GLI2: variants seen among roughly 807,000 people sequenced by gnomAD.
GLI2 encodes transcription activator GLI2.
In GLI2, 22 loss-of-function variants were observed where a neutral mutation model predicts 78.9. The ratio of observed to expected loss-of-function variants is 0.28; its 90% confidence interval spans 0.20 to 0.40. The LOEUF (loss-of-function observed/expected upper bound fraction) is 0.40, where lower values mean the gene tolerates loss of function less well. Ranked by LOEUF, GLI2 falls within the 10% of genes least tolerant of loss-of-function variation. The probability of loss-of-function intolerance (pLI) is 1.00; values close to 1 mark genes in which losing one functional copy is unlikely to be tolerated. For missense variants in GLI2, 2,097 were observed against 2,213.2 expected, an observed-to-expected ratio of 0.95 and a Z score of 1.05; for synonymous variants, 974 against 963.7, an observed-to-expected ratio of 1.01 and a Z score of -0.20.
chr2:120,752,841 C>T (rs1392219950), intron 1 of GLI2, among the ~76,000 whole-genome samples: 1 of 152,072 alleles, frequency 6.6e-6, no homozygotes, highest in African/African-American at 2.4e-5. Flanking sequence ...TGGAACTTGC[C>T]TTTTTCACTC....
intron 1 of GLI2, among the ~76,000 whole-genome samples, chr2:120,763,726 C>T (rs1683284537): frequency 6.6e-6 from 1 of 152,238 alleles, no homozygotes; most frequent in Non-Finnish European, 1.5e-5. Flanking sequence ...CCCTCTTGCC[C>T]CACGCCCGGA....
rs764718032 is a variant in GLI2, at chr2:120,978,582, C to T, written c.1466C>T (p.Thr489Met). 42 of 1,613,268 alleles carry T rather than the reference C, an allele frequency of 2.6e-5. No individual in the cohort carries two copies. The highest frequency in any genetic ancestry group is 5.0e-5 in the Admixed American group (3 of 59,990). ...RHTGEKPHKC[T>M]FEGCSKAYSR... ...ACGGGCGAGAAGCCCCACAAGTGCA[C>T]GGTGAGTGGCCTTCTCCCCACCCCC... Residue 489 changes from threonine (T) to methionine (M), a missense_variant and splice_region_variant, in exon 10 of 14, where the codon ACG becomes ATG. Thr to Met is a moderately conservative substitution (Grantham distance 81, BLOSUM62 -1). Coordinates refer to ENST00000361492, the MANE Select transcript of GLI2 (RefSeq NM_001374353.1).
At chr2:120,839,007 C>A (rs1427976355) in intron 2 of GLI2, among the ~76,000 whole-genome samples, 2 of 152,180 alleles carry the variant, frequency 1.3e-5, no homozygotes, top group Non-Finnish European at 1.5e-5. Context: ...GGTTGAGGAA[C>A]CTGCATCTGG....
Position 120,989,057 on chromosome 2 carries a change from G to T in GLI2, c.3092G>T (p.Gly1031Val), listed in dbSNP as rs1553479051. The change falls in exon 14 of 14, where the codon GGG becomes GTG. Residue 1031 changes from glycine (G) to valine (V), a missense_variant. Gly to Val is a moderately radical substitution (Grantham distance 109). Coordinates refer to ENST00000361492, the MANE Select transcript of GLI2 (RefSeq NM_001374353.1). ...EAVAAGVDGA[G>V]PEADLGLPED... ...GTGGCGGCAGGAGTGGACGGCGCGGGGCCCGAGGCCGACCTGGGGCTGCCG... is the reference window on the plus strand; with the variant it reads ...GTGGCGGCAGGAGTGGACGGCGCGGTGCCCGAGGCCGACCTGGGGCTGCCG... 4.3e-6 allele frequency: 7 copies of T among 1,609,490 alleles called. No homozygotes were observed. The highest frequency in any genetic ancestry group is 5.9e-6 in the Non-Finnish European group (7 of 1,179,594).
At chr2:120,956,368 T>A (rs1229718867) in intron 5 of GLI2, among the ~76,000 whole-genome samples, 1 of 151,904 alleles carries the variant, frequency 6.6e-6, no homozygotes, top group African/African-American at 2.4e-5. Context: ...AGATGAAGCT[T>A]TTGGTGCCTG....
At chr2:120,809,214 A>G (rs1026657201) in intron 2 of GLI2, among the ~76,000 whole-genome samples, 1 of 152,242 alleles carries the variant, frequency 6.6e-6, no homozygotes, top group Admixed American at 6.5e-5. Flanking sequence ...AATCAATGGT[A>G]TACACAAATG....
chr2:120,779,591 G>A (rs1683779145), intron 1 of GLI2, among the ~76,000 whole-genome samples: 1 of 152,242 alleles, frequency 6.6e-6, no homozygotes. Context: ...CCAGCAAGAG[G>A]ATTTAGACTC....
intron 2 of GLI2, among the ~76,000 whole-genome samples, chr2:120,870,155 G>A (rs954385179): frequency 2.6e-5 from 4 of 152,164 alleles, no homozygotes; most frequent in Admixed American, 1.3e-4. Context: ...CCAGACACCT[G>A]GCCTGCCACA....
chr2:120,968,781 A>T lies in GLI2; in HGVS notation c.711A>T (p.Pro237=). ...GCAAGCGGGCGCTGTCCATCTCCCC[A>T]CTCTCAGACGCCAGCCTGGACCTGC... is the stretch of plus-strand genomic sequence containing the variant. ...LSRKRALSIS[P]LSDASLDLQR... is the part of the protein sequence containing the mutation. Residue 237 remains proline (P), a synonymous_variant, in exon 6 of 14, where the codon CCA becomes CCT. Coordinates refer to ENST00000361492, the MANE Select transcript of GLI2 (RefSeq NM_001374353.1). 1 of 1,612,404 alleles carries T rather than the reference A, an allele frequency of 6.2e-7. No homozygotes were observed. The highest frequency in any genetic ancestry group is 8.5e-7 in the Non-Finnish European group (1 of 1,179,650).
At chr2:120,953,664 G>A (rs991511686) in intron 4 of GLI2, among the ~76,000 whole-genome samples, 2 of 152,174 alleles carry the variant, frequency 1.3e-5, no homozygotes, top group Non-Finnish European at 2.9e-5. Flanking sequence ...AAGCAGAGAC[G>A]CTGTATTCCA....
chr2:120,780,618 G>A (rs932024734), intron 1 of GLI2, among the ~76,000 whole-genome samples: 8 of 152,210 alleles, frequency 5.3e-5, no homozygotes, highest in Non-Finnish European at 8.8e-5. Flanking sequence ...GCCCCATGGC[G>A]GGTGTCCTAT....
chr2:120,918,576 G>A (rs975226466), intron 2 of GLI2, among the ~76,000 whole-genome samples: 1 of 152,080 alleles, frequency 6.6e-6, no homozygotes, highest in African/African-American at 2.4e-5. Flanking sequence ...CAGTAACTGG[G>A]ATTACAGGCT....
chr2:120,988,899 C>T lies in GLI2; in HGVS notation c.2934C>T (p.Pro978=), dbSNP rs1156254098. The T allele has an allele frequency of 2.7e-6, 4 of 1,508,398 alleles. No individual in the cohort carries two copies. Among genetic ancestry groups the T allele is most frequent in the Admixed American group, 2.0e-5 (1 of 49,812 alleles). The allele number at this position is 1,508,398 out of a possible 1,614,324, so 93.4% of individuals were successfully genotyped here. A position where few individuals can be genotyped will look rare whatever the true frequency, so the allele number is the denominator to read the frequency against. ...TCCACAGCACCCACAACGTGAACCC[C>T]GGCCCGCTGCCGCCCTGTGCCGACA... ...QRFHSTHNVN[P]GPLPPCADRR... is the part of the protein sequence containing the mutation. Residue 978 remains proline (P), a synonymous_variant, in exon 14 of 14, where the codon CCC becomes CCT. Transcript: ENST00000361492.
At chr2:120,952,555 TC>T (rs770428824) in intron 4 of GLI2, among the ~76,000 whole-genome samples, 2 of 152,246 alleles carry the variant, frequency 1.3e-5, no homozygotes, top group Non-Finnish European at 1.5e-5. Flanking sequence ...TGACTCATCT[TC>T]CTGGCACGGA....
intron 2 of GLI2, among the ~76,000 whole-genome samples, chr2:120,894,663 A>G (rs1573554015): frequency 9.8e-6 from 1 of 102,480 alleles, no homozygotes; most frequent in African/African-American, 3.8e-5. Context: ...CCCCACTTCC[A>G]TTTTACCTCT....
At chr2:120,808,864 A>G (rs957599238) in intron 2 of GLI2, among the ~76,000 whole-genome samples, 3 of 152,134 alleles carry the variant, frequency 2.0e-5, no homozygotes, top group Non-Finnish European at 4.4e-5. Flanking sequence ...CTTGCCTGAA[A>G]GCACCTGAGG....
At chr2:120,908,486 T>C (rs1481962751) in intron 2 of GLI2, among the ~76,000 whole-genome samples, 2 of 152,170 alleles carry the variant, frequency 1.3e-5, no homozygotes, top group Admixed American at 1.3e-4. Context: ...AGTCATCCAC[T>C]GTGGGTCCCT....
intron 1 of GLI2, among the ~76,000 whole-genome samples, chr2:120,756,008 T>G (rs1272311489): frequency 6.6e-6 from 1 of 152,206 alleles, no homozygotes; most frequent in Non-Finnish European, 1.5e-5. Flanking sequence ...GTCAGGTAGC[T>G]TAGCTCTCTA....
At chr2:120,871,359 G>T (rs1688418600) in intron 2 of GLI2, among the ~76,000 whole-genome samples, 1 of 152,222 alleles carries the variant, frequency 6.6e-6, no homozygotes, top group Admixed American at 6.5e-5. Flanking sequence ...CAGTGAGGAT[G>T]CACGGGAGCT....
Sources: allele counts gnomAD v4.1 joint callset (sites outside exome capture counted in the v4.1 genomes callset), GRCh38; gene constraint gnomAD v4.1.1; transcripts MANE v1.5; gene names NCBI Gene and HGNC (gene_info 2026-07-23, HGNC 2026-07-21).